NYNRIN: variants seen among roughly 807,000 people sequenced by gnomAD.
The protein encoded by NYNRIN is NYN domain and retroviral integrase containing.
NYNRIN carries 86 observed loss-of-function variants against 146.6 expected under a neutral mutation model. The ratio of observed to expected loss-of-function variants is 0.59; its 90% CI spans 0.49 to 0.70. The LOEUF is 0.70. Ranked by LOEUF, NYNRIN falls within the 30% of genes least tolerant of loss-of-function variation. The pLI is 0.00. For synonymous variants in NYNRIN, 1,027 were observed against 1,001.3 expected, an observed-to-expected ratio of 1.03 and a Z score of -0.48; for missense variants, 2,191 against 2,377.7, an observed-to-expected ratio of 0.92 and a Z score of 1.63.
intron 2 of NYNRIN, among the ~76,000 whole-genome samples, chr14:24,402,269 C>G (rs2042848806): frequency 6.6e-6 from 1 of 152,258 alleles, no homozygotes; most frequent in South Asian, 2.1e-4. Flanking sequence ...GGAGGCCTCT[C>G]TGAGGTGAAA....
Position 24,418,460 on chromosome 14 carries a change from C to T in NYNRIN, c.*1014C>T, listed in dbSNP as rs997169584. 2.9e-6 allele frequency: 1 copy of T among 350,568 alleles called. No individual in the cohort carries two copies. Among genetic ancestry groups the T allele is most frequent in the Non-Finnish European group, 5.6e-6 (1 of 177,288 alleles). 21.7% of individuals were successfully genotyped at this position (350,568 alleles called of 1,614,324 possible). A position where few individuals can be genotyped will look rare whatever the true frequency, so the allele number is the denominator to read the frequency against. On this transcript the variant is annotated 3_prime_UTR_variant, in exon 9 of 9. Transcript: ENST00000382554. ...CCAGACCCTACAGATTGTGTGATTG[C>T]TTCATCTGTATCACCCCCCGAGTCC...
chr14:24,416,796 C>T lies in NYNRIN; in HGVS notation c.5047C>T (p.Pro1683Ser). 1 of 1,612,526 alleles carries T rather than the reference C, an allele frequency of 6.2e-7. No homozygotes were observed. Among genetic ancestry groups the T allele is most frequent in the Non-Finnish European group, 8.5e-7 (1 of 1,179,188 alleles). Reference sequence around the variant, plus strand: ...TGTGAGGCTGGAGGCAGCCCAGGGGCCCCAGTTTGCCCGGCACGTCCTTGT... The same window carrying T: ...TGTGAGGCTGGAGGCAGCCCAGGGGTCCCAGTTTGCCCGGCACGTCCTTGT... ...VPVRLEAAQG[P>S]QFARHVLVSC... The change falls in exon 9 of 9, where the codon CCC becomes TCC. Residue 1683 changes from proline to serine, a missense_variant. By Grantham distance (74) the Pro-to-Ser change is moderately conservative (BLOSUM62 -1). Around this residue, in one of 3 missense-constraint regions of NYNRIN, gnomAD observed 1,291 missense variants for 1,417.0 expected, o/e 0.91. Transcript: ENST00000382554.
At position 24,415,643 on chromosome 14, in the gene NYNRIN, G is replaced by C; in HGVS notation, c.3894G>C (p.Leu1298=). Residue 1298 remains leucine (L), a synonymous_variant, in exon 9 of 9, where the codon CTG becomes CTC. Transcript: ENST00000382554. ...AASMPRFFQV[L]PPFSDLSTFV... ...CCATGCCTCGCTTCTTCCAGGTTCT[G>C]CCGCCTTTCTCTGACCTGTCCACGT... The C allele has an allele frequency of 6.2e-7, 1 of 1,614,012 alleles. No individual in the cohort carries two copies. The highest frequency in any genetic ancestry group is 1.1e-5 in the South Asian group (1 of 91,086).
At position 24,407,939 on chromosome 14, in the gene NYNRIN, C is replaced by T; in HGVS notation, c.269C>T (p.Ala90Val). The T allele has an allele frequency of 6.2e-7, 1 of 1,613,988 alleles. No homozygotes were observed. The highest frequency in any genetic ancestry group is 8.5e-7 in the Non-Finnish European group (1 of 1,179,858). Reference protein sequence around the residue: ...EVRYPPILHCAFLGAQGLFLD... With the variant: ...EVRYPPILHCVFLGAQGLFLD... ...CGCTACCCACCGATCCTGCACTGTG[C>T]CTTCCTTGGGGCCCAAGGCCTCTTC... The change falls in exon 3 of 9, where the codon GCC becomes GTC. Residue 90 changes from alanine (A) to valine (V), a missense_variant. Coordinates refer to ENST00000382554, the MANE Select transcript of NYNRIN (RefSeq NM_025081.3).
intron 2 of NYNRIN, among the ~76,000 whole-genome samples, chr14:24,401,393 G>A (rs2042842240): frequency 1.3e-5 from 2 of 151,836 alleles, no homozygotes; most frequent in Admixed American, 6.6e-5. Context: ...CCATAAAGGA[G>A]ACTTTGTTGG....
In NYNRIN at chr14:24,416,842, G is replaced by A; in HGVS notation, c.5093G>A (p.Gly1698Glu). Residue 1698 changes from glycine (G) to glutamate (E), a missense_variant, in exon 9 of 9, where the codon GGA (glycine) becomes GAA (glutamate). Gly to Glu is a moderately conservative substitution (Grantham distance 98). Coordinates refer to ENST00000382554, the MANE Select transcript of NYNRIN (RefSeq NM_025081.3). ...HVLVSCGLAL[G>E]AQVASLSRDL... The stretch of plus-strand genomic sequence containing the variant: ...CTTGTGAGCTGTGGGCTGGCCCTGG[G>A]AGCCCAGGTGGCCTCCCTGAGTCGG... The A allele has an allele frequency of 1.9e-6, 3 of 1,609,390 alleles. No individual in the cohort carries two copies. The highest frequency in any genetic ancestry group is 2.5e-6 in the Non-Finnish European group (3 of 1,177,138).
chr14:24,401,895 G>A (rs1397311497), intron 2 of NYNRIN, among the ~76,000 whole-genome samples: 2 of 152,230 alleles, frequency 1.3e-5, no homozygotes, highest in African/African-American at 4.8e-5. Context: ...AGGATGTCTT[G>A]TGGTTCTCAT....
Position 24,408,909 on chromosome 14 carries a change from A to G in NYNRIN, c.1115A>G (p.Asn372Ser), listed in dbSNP as rs773783660. The G allele has an allele frequency of 5.0e-6, 8 of 1,614,046 alleles. No homozygotes were observed. The highest frequency in any genetic ancestry group is 1.7e-5 in the Admixed American group (1 of 60,038). Residue 372 changes from asparagine (N) to serine (S), a missense_variant, in exon 4 of 9, where the codon AAT (asparagine) becomes AGT (serine). By Grantham distance (46) the Asn-to-Ser change is conservative. Coordinates refer to ENST00000382554, the MANE Select transcript of NYNRIN (RefSeq NM_025081.3). ...ATTGCTGCAACCTTCTGGAGGATCAATGAGCTGCATTCTCTACATCTGGCC... is the reference window on the plus strand; with the variant it reads ...ATTGCTGCAACCTTCTGGAGGATCAGTGAGCTGCATTCTCTACATCTGGCC... ...GAIAATFWRI[N>S]ELHSLHLAWL...
intron 2 of NYNRIN, among the ~76,000 whole-genome samples, chr14:24,400,775 C>G (rs1356953515): frequency 2.0e-5 from 3 of 150,426 alleles, no homozygotes; most frequent in Non-Finnish European, 3.0e-5. Flanking sequence ...GGGACTCACA[C>G]TTTCTTTTTC....
In NYNRIN at chr14:24,416,184, C is replaced by A. The variant is rs1282672590; in HGVS notation, c.4435C>A (p.Leu1479Met). 3 of 1,613,988 alleles carry A rather than the reference C, an allele frequency of 1.9e-6. No individual in the cohort carries two copies. Among genetic ancestry groups the A allele is most frequent in the Non-Finnish European group, 2.5e-6 (3 of 1,179,900 alleles). ...PHAMGKRPNL[L>M]ALQLSDSTLA... The stretch of plus-strand genomic sequence containing the variant: ...TGCCATGGGCAAGAGGCCCAATTTG[C>A]TGGCATTACAGCTGAGTGACAGCAC... Residue 1479 changes from leucine (L) to methionine (M), a missense_variant, in exon 9 of 9, where the codon CTG becomes ATG. This residue lies in a region of NYNRIN where 1,291 missense variants were observed against 1,417.0 expected (regional missense o/e 0.91). Transcript: ENST00000382554.
Position 24,411,193 on chromosome 14 carries a change from C to T in NYNRIN, c.2532C>T (p.Asn844=). ...TACCCACCTGGCAGCTGAAGAAGAA[C>T]CGGAGGGTGAGAGGTGAGGTGTCCC... ...VFVPTWQLKK[N]RRVRESHFLT... Residue 844 remains asparagine, a synonymous_variant, in exon 5 of 9, where the codon AAC becomes AAT. Transcript: ENST00000382554. The surrounding 1 kb of genome is among the most constrained non-coding windows in gnomAD (Gnocchi z 4.3). 9 of 1,605,120 alleles carry T rather than the reference C, an allele frequency of 5.6e-6. No individual in the cohort carries two copies. Among genetic ancestry groups the T allele is most frequent in the Non-Finnish European group, 7.7e-6 (9 of 1,175,514 alleles).
At position 24,409,486 on chromosome 14, in the gene NYNRIN, A is replaced by G. The variant is rs1363637730; in HGVS notation, c.1692A>G (p.Pro564=). The G allele has an allele frequency of 6.2e-7, 1 of 1,613,922 alleles. No homozygotes were observed. Among genetic ancestry groups the G allele is most frequent in the Non-Finnish European group, 8.5e-7 (1 of 1,179,880 alleles). ...AAAATCCCTCCAGAACTCAAGTGCC[A>G]TCTGCAGCTCCCAAACTGCCTACAT... ...KAENPSRTQV[P]SAAPKLPTSR... Residue 564 remains proline, a synonymous_variant, in exon 4 of 9, where the codon CCA becomes CCG. Coordinates refer to ENST00000382554, the MANE Select transcript of NYNRIN (RefSeq NM_025081.3).
chr14:24,417,346 T>G lies in NYNRIN; in HGVS notation c.5597T>G (p.Phe1866Cys). ...LSLSLYRIWG[F>C]PTPEKLGCIY... The stretch of plus-strand genomic sequence containing the variant: ...CTGTCACTCTATAGGATATGGGGCT[T>G]CCCAACCCCAGAGAAGCTGGGGTGC... The change falls in exon 9 of 9, where the codon TTC (phenylalanine) becomes TGC (cysteine). Residue 1866 changes from phenylalanine to cysteine, a missense_variant. Transcript: ENST00000382554. 6.2e-7 allele frequency: 1 copy of G among 1,604,074 alleles called. No homozygotes were observed. The highest frequency in any genetic ancestry group is 8.5e-7 in the Non-Finnish European group (1 of 1,174,334).
chr14:24,410,880 CAT>C (rs1189302713), intron 4 of NYNRIN, among the ~76,000 whole-genome samples, 194 bp from the exon 5 acceptor site: 6 of 152,134 alleles, frequency 3.9e-5, no homozygotes, highest in African/African-American at 9.7e-5. Flanking sequence ...CACACACACA[CAT>C]GCACGCGCAC....
In NYNRIN at chr14:24,409,254, C is replaced by T. The variant is rs1157227112; in HGVS notation, c.1460C>T (p.Pro487Leu). 6.2e-7 allele frequency: 1 copy of T among 1,614,032 alleles called. No homozygotes were observed. Residue 487 changes from proline to leucine, a missense_variant, in exon 4 of 9, where the codon CCC becomes CTC. Around this residue, in one of 3 missense-constraint regions of NYNRIN, gnomAD observed 895 missense variants for 941.2 expected, o/e 0.95. Coordinates refer to ENST00000382554, the MANE Select transcript of NYNRIN (RefSeq NM_025081.3). ...PQIGPPLTST[P>L]QLQAGGEPGD... is the part of the protein sequence containing the mutation. Reference sequence around the variant, plus strand: ...ATAGGGCCACCCTTGACCTCTACACCCCAACTACAGGCTGGAGGTGAGCCG... The same window carrying T: ...ATAGGGCCACCCTTGACCTCTACACTCCAACTACAGGCTGGAGGTGAGCCG...
At chr14:24,401,167 T>C (rs886948929) in intron 2 of NYNRIN, among the ~76,000 whole-genome samples, 3 of 152,180 alleles carry the variant, frequency 2.0e-5, no homozygotes. Context: ...GCCTACCTGC[T>C]CCGTCTCCCT....
At chr14:24,402,006 C>G (rs1467536965) in intron 2 of NYNRIN, among the ~76,000 whole-genome samples, 2 of 152,046 alleles carry the variant, frequency 1.3e-5, no homozygotes, top group Admixed American at 1.3e-4. Flanking sequence ...AGAGAGGACT[C>G]TGGGAGACTA....
At position 24,409,767 on chromosome 14, in the gene NYNRIN, C is replaced by T; in HGVS notation, c.1973C>T (p.Ala658Val). ...GCAGCTACAGTTTCCAAAGCACCTG[C>T]AGCTTCCAAAGCACCTGCAGCTCCC... ...GPAATVSKAP[A>V]ASKAPAAPKV... Residue 658 changes from alanine (A) to valine (V), a missense_variant, in exon 4 of 9, where the codon GCA (alanine) becomes GTA (valine). By Grantham distance (64) the Ala-to-Val change is moderately conservative (BLOSUM62 0). Around this residue, in one of 3 missense-constraint regions of NYNRIN, gnomAD observed 895 missense variants for 941.2 expected, o/e 0.95. Coordinates refer to ENST00000382554, the MANE Select transcript of NYNRIN (RefSeq NM_025081.3). 3 of 1,611,828 alleles carry T rather than the reference C, an allele frequency of 1.9e-6. No individual in the cohort carries two copies. Among genetic ancestry groups the T allele is most frequent in the Non-Finnish European group, 2.5e-6 (3 of 1,178,954 alleles).
chr14:24,408,101 G>A lies in NYNRIN; in HGVS notation c.431G>A (p.Gly144Asp), dbSNP rs762384920. 1.2e-5 allele frequency: 19 copies of A among 1,612,592 alleles called. No individual in the cohort carries two copies. Among genetic ancestry groups the A allele is most frequent in the Non-Finnish European group, 1.6e-5 (19 of 1,179,674 alleles). Residue 144 changes from glycine to aspartate, a missense_variant, in exon 3 of 9, where the codon GGC becomes GAC. Gly to Asp is a moderately conservative substitution (Grantham distance 94). This residue lies in a region of NYNRIN where 895 missense variants were observed against 941.2 expected (regional missense o/e 0.95). Transcript: ENST00000382554. ...GAGCTGGTGGGGCGACTGCGCTGGG[G>A]CCCTGCCCCTCTGCTGACCCCCCGG... ...LEELVGRLRWGPAPLLTPRGI... is the reference protein window; with the variant it reads ...LEELVGRLRWDPAPLLTPRGI...
Sources: allele counts gnomAD v4.1 joint callset (sites outside exome capture counted in the v4.1 genomes callset), GRCh38; gene constraint gnomAD v4.1.1; regional missense constraint gnomAD v4.1.1; non-coding constraint Gnocchi (gnomAD v3.1); transcripts MANE v1.5; gene names NCBI Gene and HGNC (gene_info 2026-07-23, HGNC 2026-07-21).